Variants in CES5A observed in about 807,000 individuals in gnomAD.
CES5A encodes carboxylesterase 5A.
In CES5A, 67 loss-of-function variants were observed where a neutral mutation model predicts 62.9. The observed-to-expected ratio is 1.07, with a 90% CI of 0.88 to 1.31. The LOEUF (loss-of-function observed/expected upper bound fraction) is 1.31, where lower values mean the gene tolerates loss of function less well. Among genes scored for constraint, CES5A ranks in the 50% most tolerant of loss-of-function variants. The pLI, the probability that CES5A is intolerant of heterozygous loss-of-function variation, is 0.00. For synonymous variants in CES5A, 296 were observed against 280.8 expected, an observed-to-expected ratio of 1.05 and a Z score of -0.54; for missense variants, 748 against 708.5, an observed-to-expected ratio of 1.06 and a Z score of -0.63.
intron 8 of CES5A, among the ~76,000 whole-genome samples, chr16:55,856,968 A>G (rs2033256642): frequency 6.6e-6 from 1 of 152,204 alleles, no homozygotes; most frequent in Non-Finnish European, 1.5e-5. Context: ...TAAGCCTCCC[A>G]GTCTATGGTA....
intron 2 of CES5A, among the ~76,000 whole-genome samples, chr16:55,938,414 G>A (rs915953805): frequency 1.3e-5 from 2 of 151,978 alleles, no homozygotes; most frequent in African/African-American, 4.8e-5. Flanking sequence ...CTGCCCTAGG[G>A]CTTAAGGGGG....
chr16:55,931,837 A>C (rs1401624699), intron 2 of CES5A, among the ~76,000 whole-genome samples: 1 of 152,178 alleles, frequency 6.6e-6, no homozygotes, highest in Non-Finnish European at 1.5e-5. Context: ...TGTGTCTCTG[A>C]TGCTGAATCA....
chr16:55,915,748 A>C (rs1567353029), intron 1 of CES5A, among the ~76,000 whole-genome samples: 1 of 152,036 alleles, frequency 6.6e-6, no homozygotes, highest in Non-Finnish European at 1.5e-5. Flanking sequence ...AGGTCCTATA[A>C]TGTTTATGAA....
At chr16:55,934,803 C>T (rs1323270217) in intron 2 of CES5A, among the ~76,000 whole-genome samples, 3 of 152,154 alleles carry the variant, frequency 2.0e-5, no homozygotes, top group African/African-American at 4.8e-5. Flanking sequence ...AATCTGGGGG[C>T]CCCAGAGAGC....
chr16:55,922,452 C>T (rs1252168078), intron 1 of CES5A, among the ~76,000 whole-genome samples: 3 of 151,782 alleles, frequency 2.0e-5, no homozygotes, highest in African/African-American at 7.2e-5. Context: ...ACATAAAAGG[C>T]CACTACGTAA....
chr16:55,901,121 T>C (rs2033986440), intron 1 of CES5A, among the ~76,000 whole-genome samples: 1 of 152,114 alleles, frequency 6.6e-6, no homozygotes, highest in Admixed American at 6.5e-5. Flanking sequence ...ATCATGTGGG[T>C]GGGTCTTTCC....
In CES5A at chr16:55,867,399, C is replaced by A. The variant is rs555053278; in HGVS notation, c.552-1283G>T. Among the ~76,000 whole-genome samples, 8 of 152,302 alleles carry A rather than the reference C, an allele frequency of 5.3e-5. No homozygotes were observed. The South Asian group carries it at 1.7e-3, about 32-fold the overall frequency. ...AGAACAAATGAAACAAGTGGAAATGCCATAGAACCAAAGAAATGTCTAGAC... is the reference window on the plus strand; with the variant it reads ...AGAACAAATGAAACAAGTGGAAATGACATAGAACCAAAGAAATGTCTAGAC... On this transcript the variant is annotated intron_variant, in intron 4 of 12. Coordinates refer to ENST00000290567, the MANE Select transcript of CES5A (RefSeq NM_001143685.2).
intron 1 of CES5A, among the ~76,000 whole-genome samples, chr16:55,902,490 A>T (rs1422891943): frequency 2.0e-5 from 3 of 152,228 alleles, no homozygotes; most frequent in African/African-American, 7.2e-5. Flanking sequence ...ATCAGGACTG[A>T]CATCCTAAGG....
Position 55,921,028 on chromosome 16 carries a change from A to C in CES5A, c.-256+4295T>G, listed in dbSNP as rs183586320. 3.9e-5 allele frequency among the ~76,000 whole-genome samples: 6 copies of C among 152,350 alleles called. No homozygotes were observed. In the East Asian group the frequency reaches 9.6e-4, roughly 24 times the overall value. Reference sequence around the variant, plus strand: ...ACAACAGAATGGATCAAGCAAAGGAAAGATCAGTGAGCTTGAAGATAGGCT... The same window carrying C: ...ACAACAGAATGGATCAAGCAAAGGACAGATCAGTGAGCTTGAAGATAGGCT... On this transcript the variant is annotated intron_variant, in intron 1 of 12. Transcript: ENST00000518005.
At chr16:55,899,944 G>C (rs1489923527) in intron 1 of CES5A, among the ~76,000 whole-genome samples, 1 of 152,184 alleles carries the variant, frequency 6.6e-6, no homozygotes, top group Non-Finnish European at 1.5e-5. Flanking sequence ...CAACTAAAGA[G>C]AGGGTTCTGA....
intron 1 of CES5A, among the ~76,000 whole-genome samples, chr16:55,904,868 C>T (rs574482904): frequency 2.6e-5 from 4 of 152,260 alleles, no homozygotes; most frequent in Admixed American, 2.6e-4. Context: ...TCCATACCTC[C>T]CCCTACATCA....
intron 1 of CES5A, among the ~76,000 whole-genome samples, chr16:55,900,952 A>T (rs2033983985): frequency 6.6e-6 from 1 of 152,154 alleles, no homozygotes; most frequent in Admixed American, 6.5e-5. Flanking sequence ...ACAAAGAGGA[A>T]GGGGTTTGTG....
At chr16:55,917,541 A>G (rs1184098556) in intron 1 of CES5A, among the ~76,000 whole-genome samples, 3 of 152,176 alleles carry the variant, frequency 2.0e-5, no homozygotes, top group Non-Finnish European at 4.4e-5. Flanking sequence ...TCAGTTCCTC[A>G]CTGGCCATTG....
chr16:55,873,310 G>T (rs568083606), intron 2 of CES5A, among the ~76,000 whole-genome samples: 1 of 152,196 alleles, frequency 6.6e-6, no homozygotes, highest in East Asian at 1.9e-4. Flanking sequence ...CATTCCACGG[G>T]TATTTATGGA....
In CES5A at chr16:55,935,616, C is replaced by T. The variant is rs140025871; in HGVS notation, c.160+14169G>A. Among the ~76,000 whole-genome samples, 29 of 152,302 alleles carry T rather than the reference C, an allele frequency of 1.9e-4. 1 individual carries two copies. The highest frequency in any genetic ancestry group is 6.3e-4 in the African/African-American group (26 of 41,556). ...CCATCCTTCAAGGCCCAGTAAAGAACCACCTCTTCCTACAAGCCTTCCACC... is the reference window on the plus strand; with the variant it reads ...CCATCCTTCAAGGCCCAGTAAAGAATCACCTCTTCCTACAAGCCTTCCACC... On this transcript the variant is annotated intron_variant, in intron 2 of 13. Coordinates refer to the CES5A transcript ENST00000521992.
intron 1 of CES5A, among the ~76,000 whole-genome samples, chr16:55,886,940 CA>C (rs1295693813): frequency 2.7e-4 from 41 of 152,202 alleles, no homozygotes; most frequent in African/African-American, 9.1e-4. Context: ...CAAATGGCCC[CA>C]GGACCCACTG....
At chr16:55,904,577 A>G (rs1436882926) in intron 1 of CES5A, among the ~76,000 whole-genome samples, 1 of 152,210 alleles carries the variant, frequency 6.6e-6, no homozygotes, top group Non-Finnish European at 1.5e-5. Flanking sequence ...TTACACAGGC[A>G]CTGCATAAAT....
In CES5A at chr16:55,852,766, A is replaced by C. The variant is rs140115189; in HGVS notation, c.1273+115T>G. The C allele has an allele frequency of 2.0e-3, 2,314 of 1,177,434 alleles. 35 individuals are homozygous for C. The South Asian group carries it at 0.025, about 13-fold the overall frequency. 72.9% of individuals were successfully genotyped at this position (1,177,434 alleles called of 1,614,324 possible). A position where few individuals can be genotyped will look rare whatever the true frequency, so the allele number is the denominator to read the frequency against. On this transcript the variant is annotated intron_variant, in intron 10 of 12. Coordinates refer to ENST00000290567, the MANE Select transcript of CES5A (RefSeq NM_001143685.2). ...TCCATCCAGGCACACCTGGAAATGC[A>C]CTTTCCATGATAGAACAGAGGCAGA...
intron 1 of CES5A, among the ~76,000 whole-genome samples, chr16:55,951,103 C>CAAAAAAAAAAAAAAAAAAA (rs55951124): frequency 2.0e-4 from 9 of 44,378 alleles, no homozygotes; most frequent in African/African-American, 9.8e-4. Flanking sequence ...GACTCCATCT[C>CAAAAAAAAAAAAAAAAAAA]AAAAAAAAAA....
Sources: allele counts gnomAD v4.1 joint callset (sites outside exome capture counted in the v4.1 genomes callset), GRCh38; gene constraint gnomAD v4.1.1; transcripts MANE v1.5; gene names NCBI Gene and HGNC (gene_info 2026-07-23, HGNC 2026-07-21).